MTMR3: variants seen among roughly 807,000 people sequenced by gnomAD.
The protein encoded by MTMR3 is phosphatidylinositol-3,5-bisphosphate 3-phosphatase MTMR3.
A neutral mutation model predicts 132.4 loss-of-function variants in MTMR3; 32 were observed. That is an observed-to-expected ratio of 0.24 (90% confidence interval 0.18 to 0.32). The LOEUF (loss-of-function observed/expected upper bound fraction) is 0.32. MTMR3 is among the 10% of genes least tolerant of loss of function. The probability of loss-of-function intolerance (pLI) is 1.00; values close to 1 mark genes in which losing one functional copy is unlikely to be tolerated. For missense variants in MTMR3, 1,216 were observed against 1,489.6 expected (o/e 0.82, Z 3.02); for synonymous variants, 556 against 550.3 (o/e 1.01, Z -0.14).
At chr22:29,906,268 CTG>C (rs2065095632) in intron 1 of MTMR3, among the ~76,000 whole-genome samples, 1 of 100,460 alleles carries the variant, frequency 1.0e-5, no homozygotes, top group African/African-American at 4.9e-5. Context: ...GTCTGTCTGT[CTG>C]TCTGTCTGTC....
At chr22:30,021,877 C>T (rs900279785) in intron 17 of MTMR3, 152 bp from the exon 18 acceptor site, 13 of 639,806 alleles carry the variant, frequency 2.0e-5, no homozygotes, top group Non-Finnish European at 3.1e-5. Flanking sequence ...ACTTCTTCAC[C>T]CCAGTTCTTG....
rs2067991082 is a variant in MTMR3, at chr22:30,030,430, G to GC, written c.*4631dup. ...TATGTTGCTGCTGACAGTAGTGCTT[G>GC]CCTATTGTAACAGCATTGGTTCTGC... On this transcript the variant is annotated 3_prime_UTR_variant, in exon 20 of 20. Transcript: ENST00000401950. 1 of 152,032 alleles carries GC rather than the reference G, an allele frequency of 6.6e-6. No homozygotes were observed. The highest frequency in any genetic ancestry group is 1.5e-5 in the Non-Finnish European group (1 of 68,000). 9.4% of individuals were successfully genotyped at this position (152,032 alleles called of 1,614,324 possible).
chr22:29,924,436 C>A (rs73396885), intron 1 of MTMR3, among the ~76,000 whole-genome samples: 4,948 of 151,466 alleles, frequency 0.033, 280 homozygotes, highest in African/African-American at 0.11. Flanking sequence ...TATTTTTATG[C>A]CAGTTTCCTC....
intron 14 of MTMR3, 44 bp downstream of exon 14, chr22:30,013,585 T>A: frequency 6.3e-7 from 1 of 1,584,706 alleles, no homozygotes; most frequent in Non-Finnish European, 8.6e-7. Flanking sequence ...TGAAGGAGGG[T>A]CAGTACAAAT....
chr22:29,949,155 C>A lies in MTMR3; in HGVS notation c.-137-7881C>A, dbSNP rs1042773937. 2.2e-4 allele frequency among the ~76,000 whole-genome samples: 17 copies of A among 76,294 alleles called. 3 individuals carry two copies. In the South Asian group the frequency reaches 3.7e-3, roughly 16 times the overall value. The allele number at this position is 76,294 out of a possible 152,430, so 50.1% of individuals were successfully genotyped here. A position where few individuals can be genotyped will look rare whatever the true frequency, so the allele number is the denominator to read the frequency against. On this transcript the variant is annotated intron_variant, in intron 1 of 19. Transcript: ENST00000401950. ...CACACACACACACACCCCCCCCCCCCCCCCCGAGGCCCTGTCTTAAAACAC... is the reference window on the plus strand; with the variant it reads ...CACACACACACACACCCCCCCCCCCACCCCCGAGGCCCTGTCTTAAAACAC...
Position 30,012,374 on chromosome 22 carries a change from A to C in MTMR3, c.1128A>C (p.Leu376=). Residue 376 remains leucine (L), a synonymous_variant, in exon 13 of 20, where the codon CTA becomes CTC. Transcript: ENST00000401950. ...CTQMPDPGNW[L]SALESTKWLH... ...TCCTCTCCTGTTTTTATAGTTGGCTATCAGCTCTTGAAAGCACAAAATGGC... is the reference window on the plus strand; with the variant it reads ...TCCTCTCCTGTTTTTATAGTTGGCTCTCAGCTCTTGAAAGCACAAAATGGC... 1 of 1,612,880 alleles carries C rather than the reference A, an allele frequency of 6.2e-7. No individual in the cohort carries two copies. Among genetic ancestry groups the C allele is most frequent in the Non-Finnish European group, 8.5e-7 (1 of 1,179,590 alleles).
Position 29,979,925 on chromosome 22 carries a change from T to C in MTMR3, c.210+873T>C, listed in dbSNP as rs1305768548. The C allele has an allele frequency of 5.9e-5, 9 of 152,370 alleles. No homozygotes were observed. In the South Asian group the frequency reaches 1.0e-3, roughly 18 times the overall value. 9.4% of individuals were successfully genotyped at this position (152,370 alleles called of 1,614,324 possible). On this transcript the variant is annotated intron_variant, in intron 5 of 19. Transcript: ENST00000401950. Reference sequence around the variant, plus strand: ...TACATTTACCCTTTTCAGTTATGAATGTCCTCTCAGTGAACTGGTTCTTCC... The same window carrying C: ...TACATTTACCCTTTTCAGTTATGAACGTCCTCTCAGTGAACTGGTTCTTCC...
chr22:29,942,594 G>A (rs531011489), intron 1 of MTMR3, among the ~76,000 whole-genome samples: 10 of 152,274 alleles, frequency 6.6e-5, no homozygotes, highest in East Asian at 5.8e-4. Context: ...CGCTACGACC[G>A]TAAAAGATAG....
chr22:29,943,827 CT>C (rs35506976), intron 1 of MTMR3, among the ~76,000 whole-genome samples: 2 of 70,642 alleles, frequency 2.8e-5, no homozygotes, highest in Middle Eastern at 9.1e-3. Flanking sequence ...TTTTTTTTTT[CT>C]TTCTTTCTTT....
At chr22:29,948,413 T>C (rs1289629126) in intron 1 of MTMR3, among the ~76,000 whole-genome samples, 1 of 152,246 alleles carries the variant, frequency 6.6e-6, no homozygotes, top group Non-Finnish European at 1.5e-5. Context: ...AACATTCTTA[T>C]ACTGATAAGC....
At chr22:29,898,364 T>C (rs1432439190) in intron 1 of MTMR3, among the ~76,000 whole-genome samples, 2 of 152,182 alleles carry the variant, frequency 1.3e-5, no homozygotes, top group Non-Finnish European at 2.9e-5. Flanking sequence ...TGGGGTACAA[T>C]TGATCACATC....
Position 29,970,579 on chromosome 22 carries a change from C to G in MTMR3, c.-84-397C>G, listed in dbSNP as rs938078371. On this transcript the variant is annotated intron_variant, in intron 2 of 19. Coordinates refer to ENST00000401950, the MANE Select transcript of MTMR3 (RefSeq NM_021090.4). ...CTGGTCTCAAACTTCTGAGCTCAGG[C>G]TATCTGCCTCAGCCTTCGAAAGTGC... 5.8e-5 allele frequency among the ~76,000 whole-genome samples: 8 copies of G among 138,938 alleles called. 1 individual carries two copies. In the Admixed American group the frequency reaches 6.4e-4, roughly 11 times the overall value. The allele number at this position is 138,938 out of a possible 152,430, so 91.1% of individuals were successfully genotyped here.
In MTMR3 at chr22:29,933,819, C is replaced by T. The variant is rs146559854; in HGVS notation, c.-137-23217C>T. On this transcript the variant is annotated intron_variant, in intron 1 of 19. Coordinates refer to ENST00000401950, the MANE Select transcript of MTMR3 (RefSeq NM_021090.4). ...CTCCTGGACTCAAGCCATCCTTCTG[C>T]CCCAGCCTCCCAAGTAGCTGGGACC... Among the ~76,000 whole-genome samples the T allele has an allele frequency of 1.7e-3, 252 of 151,308 alleles. 7 individuals carry two copies. The East Asian group carries it at 0.045, about 27-fold the overall frequency.
intron 1 of MTMR3, among the ~76,000 whole-genome samples, chr22:29,905,451 G>A (rs76392733): frequency 1.3e-5 from 2 of 152,134 alleles, no homozygotes; most frequent in Non-Finnish European, 2.9e-5. Context: ...TTGATATATA[G>A]TAGTTGATAC....
chr22:29,918,709 G>A (rs1317425030), intron 1 of MTMR3, among the ~76,000 whole-genome samples: 1 of 152,180 alleles, frequency 6.6e-6, no homozygotes, highest in African/African-American at 2.4e-5. Context: ...GAATGGTTAA[G>A]ATAGTCTTCT....
At chr22:29,966,401 G>A (rs111938267) in intron 2 of MTMR3, among the ~76,000 whole-genome samples, 104 of 152,236 alleles carry the variant, frequency 6.8e-4, no homozygotes, top group African/African-American at 2.2e-3. Flanking sequence ...GGTCACTTAA[G>A]TCTCTCTTAA....
At position 30,027,528 on chromosome 22, in the gene MTMR3, A is replaced by AG. The variant is rs1569059671; in HGVS notation, c.*1730dup. ...TTCTGTGTCATCTAGTCGTGCAGGT[A>AG]GGGAAAAAGTTGGTCTAATTGAAGA... On this transcript the variant is annotated 3_prime_UTR_variant, in exon 20 of 20. Transcript: ENST00000401950. The AG allele has an allele frequency of 1.3e-5, 2 of 152,790 alleles. No individual in the cohort carries two copies. Among genetic ancestry groups the AG allele is most frequent in the African/African-American group, 4.8e-5 (2 of 41,450 alleles). The allele number at this position is 152,790 out of a possible 1,614,324, so 9.5% of individuals were successfully genotyped here.
intron 3 of MTMR3, among the ~76,000 whole-genome samples, chr22:29,972,674 G>A (rs184407113): frequency 1.5e-4 from 23 of 152,270 alleles, no homozygotes; most frequent in East Asian, 1.4e-3. Flanking sequence ...GGGTTCAAGC[G>A]ATTCTTGTGC....
At chr22:29,948,550 T>C (rs2065994255) in intron 1 of MTMR3, among the ~76,000 whole-genome samples, 1 of 152,228 alleles carries the variant, frequency 6.6e-6, no homozygotes, top group Non-Finnish European at 1.5e-5. Context: ...GGCATGCTTA[T>C]TTATACATGG....
Sources: allele counts gnomAD v4.1 joint callset (sites outside exome capture counted in the v4.1 genomes callset), GRCh38; gene constraint gnomAD v4.1.1; transcripts MANE v1.5; gene names NCBI Gene and HGNC (gene_info 2026-07-23, HGNC 2026-07-21).